Variants in CD8B observed in about 807,000 individuals in gnomAD.
The protein encoded by CD8B is T-cell surface glycoprotein CD8 beta chain.
In CD8B, 6 loss-of-function variants were observed where a neutral mutation model predicts 24.2. The ratio of observed to expected loss-of-function variants is 0.25; its 90% CI spans 0.14 to 0.49. The LOEUF is 0.49. Among genes scored for constraint, CD8B ranks in the 20% least tolerant of loss-of-function variants. The pLI, the probability that CD8B is intolerant of heterozygous loss-of-function variation, is 0.98. For missense variants in CD8B, 196 were observed against 271.3 expected, an observed-to-expected ratio of 0.72 and a Z score of 1.95; for synonymous variants, 84 against 108.3, an observed-to-expected ratio of 0.78 and a Z score of 1.39.
rs910071391 is a variant in CD8B, at chr2:86,839,410, A to C, written c.*2897T>G. Among the ~76,000 whole-genome samples, 10 of 152,276 alleles carry C rather than the reference A, an allele frequency of 6.6e-5. No individual in the cohort carries two copies. The highest frequency in any genetic ancestry group is 9.6e-5 in the African/African-American group (4 of 41,472). ...ACTTTTTGATGTATTTCTTTCAGAT[A>C]AATGCCAACAAGTGGAATTGCTAGT... On this transcript the variant is annotated 3_prime_UTR_variant, in exon 6 of 6. Transcript: ENST00000390655.
At chr2:86,825,175 G>A (rs1276910485) in intron 5 of CD8B, among the ~76,000 whole-genome samples, 2 of 152,152 alleles carry the variant, frequency 1.3e-5, no homozygotes, top group Admixed American at 6.5e-5. Flanking sequence ...TCTGTCCCAC[G>A]CAGCTTGGGT....
chr2:86,823,604 T>C (rs1402789486), intron 5 of CD8B, among the ~76,000 whole-genome samples: 1 of 152,148 alleles, frequency 6.6e-6, no homozygotes, highest in Non-Finnish European at 1.5e-5. Flanking sequence ...AAAAGCTCTC[T>C]GAGGATAAGG....
chr2:86,821,759 G>A (rs777710696), intron 5 of CD8B: 5 of 432,338 alleles, frequency 1.2e-5, no homozygotes, highest in East Asian at 7.5e-5. Context: ...TTAGCAAAGA[G>A]CCCCGCTGCA....
At chr2:86,820,252 T>C (rs1232074442) in intron 5 of CD8B, among the ~76,000 whole-genome samples, 4 of 152,244 alleles carry the variant, frequency 2.6e-5, no homozygotes, top group Non-Finnish European at 5.9e-5. Context: ...ACTCCAATTT[T>C]GAATGCTGTT....
At chr2:86,823,593 A>G (rs762486394) in intron 5 of CD8B, among the ~76,000 whole-genome samples, 9 of 152,190 alleles carry the variant, frequency 5.9e-5, no homozygotes, top group Non-Finnish European at 1.2e-4. Context: ...CAATCATTAT[A>G]AAAAGCTCTC....
At chr2:86,842,921 G>C (rs1181349848) in intron 5 of CD8B, among the ~76,000 whole-genome samples, 3 of 152,086 alleles carry the variant, frequency 2.0e-5, no homozygotes, top group Non-Finnish European at 4.4e-5. Context: ...GCCTCAAGCT[G>C]ATCCTGGGCT....
intron 4 of CD8B, among the ~76,000 whole-genome samples, chr2:86,845,957 C>T (rs1225161346): frequency 1.3e-5 from 2 of 152,196 alleles, no homozygotes; most frequent in Admixed American, 6.5e-5. Context: ...CATGCCCTTG[C>T]TGTCCCACCT....
chr2:86,822,742 T>C (rs2104498386), intron 5 of CD8B, among the ~76,000 whole-genome samples: 1 of 152,280 alleles, frequency 6.6e-6, no homozygotes, highest in East Asian at 1.9e-4. Context: ...ATAACTCACT[T>C]CCCTTCCCAG....
At chr2:86,826,210 C>T (rs1674681247) in intron 5 of CD8B, among the ~76,000 whole-genome samples, 1 of 151,992 alleles carries the variant, frequency 6.6e-6, no homozygotes, top group Admixed American at 6.6e-5. Context: ...CAGAGGAGTC[C>T]ATCTGGGCCA....
At chr2:86,815,609 A>G (rs1252445900) in exon 6 of CD8B, 11 of 1,584,830 alleles carry the variant, frequency 6.9e-6, no homozygotes, top group African/African-American at 1.3e-5. Context: ...CTTCTTGCCT[A>G]TGTTTTCAGG....
chr2:86,830,834 T>G (rs1167634366), intron 5 of CD8B, among the ~76,000 whole-genome samples: 1 of 152,114 alleles, frequency 6.6e-6, no homozygotes, highest in Non-Finnish European at 1.5e-5. Flanking sequence ...TAAAAATGCA[T>G]TCCTTTTGTT....
intron 5 of CD8B, among the ~76,000 whole-genome samples, chr2:86,825,672 C>G (rs371301982): frequency 6.6e-6 from 1 of 152,142 alleles, no homozygotes; most frequent in Non-Finnish European, 1.5e-5. Flanking sequence ...GACACCTCTC[C>G]GAAGAAGCCA....
At chr2:86,847,786 A>C (rs1469989668) in intron 3 of CD8B, among the ~76,000 whole-genome samples, 1 of 152,096 alleles carries the variant, frequency 6.6e-6, no homozygotes, top group Non-Finnish European at 1.5e-5. Context: ...GGATGGTCTC[A>C]ATCTCCTGGC....
At chr2:86,816,189 T>C (rs963173743) in intron 5 of CD8B, among the ~76,000 whole-genome samples, 4 of 152,092 alleles carry the variant, frequency 2.6e-5, no homozygotes, top group Non-Finnish European at 5.9e-5. Context: ...TTCAGAGAGG[T>C]CCCCATGCTT....
chr2:86,854,061 C>T (rs1676112304), intron 2 of CD8B, among the ~76,000 whole-genome samples: 1 of 152,100 alleles, frequency 6.6e-6, no homozygotes, highest in Admixed American at 6.5e-5. Flanking sequence ...CCTGATTAAC[C>T]GCTGTGTGAC....
chr2:86,851,690 C>A (rs1675983462), intron 3 of CD8B, among the ~76,000 whole-genome samples: 1 of 151,738 alleles, frequency 6.6e-6, no homozygotes, highest in Non-Finnish European at 1.5e-5. Context: ...CCAGGGGCTG[C>A]TTGTGGTTTG....
downstream of CD8B, among the ~76,000 whole-genome samples, chr2:86,833,591 C>T (rs191518242): frequency 0.024 from 3,207 of 132,178 alleles, 69 homozygotes; most frequent in Non-Finnish European, 0.04. Flanking sequence ...TCTCTCTCAC[C>T]CTTTCCCCTC....
chr2:86,824,835 C>G (rs1053171420), intron 5 of CD8B, among the ~76,000 whole-genome samples: 3 of 152,168 alleles, frequency 2.0e-5, no homozygotes, highest in Non-Finnish European at 4.4e-5. Context: ...TGAATCGCTT[C>G]CAGAATCTTT....
intron 3 of CD8B, among the ~76,000 whole-genome samples, chr2:86,852,721 G>A (rs1257770549): frequency 3.3e-5 from 5 of 152,276 alleles, no homozygotes; most frequent in Non-Finnish European, 7.3e-5. Flanking sequence ...TCTGCTTTTG[G>A]CTAGTATGAA....
Sources: allele counts gnomAD v4.1 joint callset (sites outside exome capture counted in the v4.1 genomes callset), GRCh38; gene constraint gnomAD v4.1.1; transcripts MANE v1.5; gene names NCBI Gene and HGNC (gene_info 2026-07-23, HGNC 2026-07-21).